The following SQOR variants were observed in gnomAD, a reference collection of about 807,000 sequenced individuals.
The protein encoded by SQOR is sulfide:quinone oxidoreductase, mitochondrial.
Under a neutral mutation model 48.6 loss-of-function variants are expected in SQOR, and 39 were observed. That is an observed-to-expected ratio of 0.80 (90% CI 0.62 to 1.05). The LOEUF is 1.05. Among genes scored for constraint, SQOR ranks in the 50% least tolerant of loss-of-function variants. SQOR has a pLI of 0.00. For missense variants in SQOR, 561 were observed against 559.9 expected (o/e 1.00, Z -0.02); for synonymous variants, 220 against 206.2 (o/e 1.07, Z -0.57).
chr15:45,658,879 A>G, intron 1 of SQOR, 28 bp from the exon 2 acceptor site: 1 of 1,443,032 alleles, frequency 6.9e-7, no homozygotes, highest in Non-Finnish European at 9.2e-7. Context: ...CTACCTTGGC[A>G]CTCACAGCCC....
At chr15:45,633,223 GC>G (rs1343141756), upstream of SQOR, among the ~76,000 whole-genome samples, 11 of 151,982 alleles carry the variant, frequency 7.2e-5, no homozygotes, top group Non-Finnish European at 1.2e-4. Flanking sequence ...ATTCAAGTAT[GC>G]AAAAAACCAT....
At chr15:45,688,276 ATTAG>A in intron 7 of SQOR, 57 bp from the exon 8 acceptor site, 1 of 1,232,194 alleles carries the variant, frequency 8.1e-7, no homozygotes, top group Non-Finnish European at 1.2e-6. Flanking sequence ...TTATTTGCAA[ATTAG>A]TTTTCATGGA....
At chr15:45,688,992 C>T (rs1264447422) in intron 8 of SQOR, 47 bp from the exon 9 acceptor site, 11 of 1,532,656 alleles carry the variant, frequency 7.2e-6, no homozygotes, top group Non-Finnish European at 9.9e-6. Context: ...TAATATAGTA[C>T]CATGAAAAAA....
At chr15:45,668,085 C>T (rs564889926) in intron 3 of SQOR, among the ~76,000 whole-genome samples, 3 of 151,690 alleles carry the variant, frequency 2.0e-5, no homozygotes, top group Non-Finnish European at 4.4e-5. Flanking sequence ...GCTGGGACTA[C>T]AGGCGCCCGC....
At chr15:45,659,249 A>C in intron 2 of SQOR, 92 bp downstream of exon 2, 1 of 1,081,752 alleles carries the variant, frequency 9.2e-7, no homozygotes, top group Admixed American at 3.2e-5. Flanking sequence ...GGATATGACT[A>C]TCAAGCAATG....
intron 3 of SQOR, among the ~76,000 whole-genome samples, chr15:45,668,534 G>A (rs114515465): frequency 6.6e-6 from 1 of 152,340 alleles, no homozygotes; most frequent in African/African-American, 2.4e-5. Flanking sequence ...GGCCAGTGGT[G>A]AGGGTGATCG....
At chr15:45,631,927 T>C (rs534347848), upstream of SQOR, 2 of 152,250 alleles carry the variant, frequency 1.3e-5, no homozygotes, top group South Asian at 2.1e-4. Flanking sequence ...TTTTCAACAG[T>C]GTATGCCTAG....
chr15:45,677,124 A>G (rs1239179602), intron 6 of SQOR, among the ~76,000 whole-genome samples: 2 of 151,882 alleles, frequency 1.3e-5, no homozygotes, highest in Non-Finnish European at 2.9e-5. Flanking sequence ...TGTAGCTTTT[A>G]CCTAGATTCA....
At chr15:45,653,181 C>G (rs1337166167) in intron 1 of SQOR, among the ~76,000 whole-genome samples, 1 of 152,172 alleles carries the variant, frequency 6.6e-6, no homozygotes, top group Non-Finnish European at 1.5e-5. Flanking sequence ...GTGGCATTAG[C>G]TCCCGGAGTT....
chr15:45,652,968 AG>A (rs1889523314), intron 1 of SQOR, among the ~76,000 whole-genome samples: 1 of 151,902 alleles, frequency 6.6e-6, no homozygotes, highest in Admixed American at 6.6e-5. Flanking sequence ...CAAAAAAAAA[AG>A]AAAAAAGAAA....
intron 7 of SQOR, among the ~76,000 whole-genome samples, chr15:45,684,262 C>G (rs546433862): frequency 6.6e-6 from 1 of 152,250 alleles, no homozygotes; most frequent in South Asian, 2.1e-4. Flanking sequence ...CCCAGCCCCT[C>G]CTTAAATCCA....
intron 6 of SQOR, among the ~76,000 whole-genome samples, chr15:45,677,039 TAA>T (rs200916577): frequency 2.2e-4 from 28 of 127,056 alleles, no homozygotes; most frequent in Admixed American, 4.9e-4. Context: ...AGACTCCGTC[TAA>T]AAAAAAAAAA....
intron 5 of SQOR, 91 bp downstream of exon 5, chr15:45,673,892 C>T: frequency 7.9e-7 from 1 of 1,262,388 alleles, no homozygotes. Context: ...ATTGTAATCC[C>T]TTTTTTATCT....
intron 1 of SQOR, among the ~76,000 whole-genome samples, chr15:45,654,210 C>T (rs191229581): frequency 3.0e-4 from 46 of 152,034 alleles, no homozygotes; most frequent in African/African-American, 2.4e-5. Context: ...CATGCTCCAC[C>T]TTCTCTATAG....
chr15:45,642,135 C>T lies in SQOR; in HGVS notation c.-18+7027C>T, dbSNP rs555166172. Among the ~76,000 whole-genome samples, 26 of 152,358 alleles carry T rather than the reference C, an allele frequency of 1.7e-4. No homozygotes were observed. The South Asian group carries it at 4.6e-3, about 27-fold the overall frequency. On this transcript the variant is annotated intron_variant, in intron 1 of 9. Coordinates refer to ENST00000260324, the MANE Select transcript of SQOR (RefSeq NM_021199.4). ...ACTCAACTGAATTGCTCCAGTTCAT[C>T]CTCTCAGCTTCCCCTGGGGACTCTT... is the stretch of plus-strand genomic sequence containing the variant.
intron 9 of SQOR, among the ~76,000 whole-genome samples, chr15:45,690,038 C>A (rs957549353): frequency 1.3e-5 from 2 of 149,702 alleles, no homozygotes; most frequent in Non-Finnish European, 3.0e-5. Flanking sequence ...AGTAGGGATT[C>A]AATAAGTAAA....
chr15:45,661,289 T>TAGAAAAAAAAAAAAAAAA (rs777334925), intron 2 of SQOR, among the ~76,000 whole-genome samples: 2 of 84,376 alleles, frequency 2.4e-5, no homozygotes, highest in African/African-American at 9.2e-5. Flanking sequence ...AGACTCTGTC[T>TAGAAAAAAAAAAAAAAAA]TAAAAAAAAA....
intron 4 of SQOR, among the ~76,000 whole-genome samples, chr15:45,670,897 T>C (rs755601899): frequency 1.3e-5 from 2 of 152,114 alleles, no homozygotes; most frequent in Non-Finnish European, 2.9e-5. Context: ...AAGTAGACGA[T>C]ATGGAGAAAG....
chr15:45,680,364 G>A (rs1890106228), intron 6 of SQOR, among the ~76,000 whole-genome samples: 1 of 152,014 alleles, frequency 6.6e-6, no homozygotes, highest in Non-Finnish European at 1.5e-5. Context: ...AAAGTGTTGG[G>A]ATTACAGGTG....
Sources: allele counts gnomAD v4.1 joint callset (sites outside exome capture counted in the v4.1 genomes callset), GRCh38; gene constraint gnomAD v4.1.1; transcripts MANE v1.5; gene names NCBI Gene and HGNC (gene_info 2026-07-23, HGNC 2026-07-21).